Variants in SATB2 observed in about 807,000 individuals in gnomAD.
SATB2 encodes SATB homeobox 2, also known as DNA-binding protein SATB2.
In SATB2, 1 loss-of-function variant was observed where a neutral mutation model predicts 73.4. The observed-to-expected ratio is 0.01, with a 90% CI of 0.00 to 0.06. The LOEUF is 0.06. Among genes scored for constraint, SATB2 ranks in the 10% least tolerant of loss-of-function variants. SATB2 has a pLI of 1.00. For synonymous variants in SATB2, 397 were observed against 367.0 expected, an observed-to-expected ratio of 1.08 and a Z score of -0.93; for missense variants, 459 against 945.8, an observed-to-expected ratio of 0.49 and a Z score of 6.75.
At chr2:199,453,452 G>C (rs1409050057) in intron 2 of SATB2, among the ~76,000 whole-genome samples, 2 of 151,804 alleles carry the variant, frequency 1.3e-5, no homozygotes, top group Non-Finnish European at 2.9e-5. Context: ...TTATTATATT[G>C]CTTTATAAAG....
chr2:199,352,293 T>G (rs978617099), intron 6 of SATB2, among the ~76,000 whole-genome samples: 4 of 152,358 alleles, frequency 2.6e-5, no homozygotes, highest in Middle Eastern at 6.8e-3. Context: ...TAATTACATT[T>G]GAGTGACTTT....
rs1306705746 is a variant in SATB2, at chr2:199,323,794, A to G, written c.1542+9T>C. 3.7e-6 allele frequency: 6 copies of G among 1,613,278 alleles called. No individual in the cohort carries two copies. The highest frequency in any genetic ancestry group is 5.1e-6 in the Non-Finnish European group (6 of 1,179,470). On this transcript the variant is annotated intron_variant, in intron 9 of 10. Coordinates refer to ENST00000417098, the MANE Select transcript of SATB2 (RefSeq NM_001172509.2). ...AGCCCTCGATTTTGCTTTTTTAAAAACCACTCACCTGACTTTTATTTGCAG... is the reference window on the plus strand; with the variant it reads ...AGCCCTCGATTTTGCTTTTTTAAAAGCCACTCACCTGACTTTTATTTGCAG...
At chr2:199,360,789 A>AC (rs983108100) in intron 6 of SATB2, among the ~76,000 whole-genome samples, 1 of 151,366 alleles carries the variant, frequency 6.6e-6, no homozygotes, top group African/African-American at 2.4e-5. Context: ...TGTCCTTGCC[A>AC]CCCCTCCCTC....
rs377396073 is a variant in SATB2 at position 199,305,867 on chromosome 2, T to C, written c.1740+2893A>G. ...AAGAAATTTAAATGGCATGCTTCCA[T>C]GACCACAAGTGAAGAGGACTTACGT... On this transcript the variant is annotated intron_variant, in intron 10 of 10. Coordinates refer to ENST00000417098, the MANE Select transcript of SATB2 (RefSeq NM_001172509.2). Among the ~76,000 whole-genome samples the C allele has an allele frequency of 4.2e-3, 644 of 152,284 alleles. 5 individuals are homozygous for C. The highest frequency in any genetic ancestry group is 0.015 in the African/African-American group (603 of 41,556).
chr2:199,331,556 A>T (rs1688191321), intron 7 of SATB2, among the ~76,000 whole-genome samples: 1 of 152,196 alleles, frequency 6.6e-6, no homozygotes, highest in Admixed American at 6.5e-5. Context: ...GTCCCAAAGC[A>T]GATTCTTTTC....
intron 10 of SATB2, among the ~76,000 whole-genome samples, chr2:199,280,096 G>A (rs969170606): frequency 6.6e-5 from 10 of 152,172 alleles, no homozygotes; most frequent in East Asian, 1.9e-4. Context: ...GCAGAAGAAC[G>A]TGGATTGTGA....
chr2:199,352,203 A>G (rs1412404617), intron 6 of SATB2, among the ~76,000 whole-genome samples: 1 of 152,236 alleles, frequency 6.6e-6, no homozygotes, highest in African/African-American at 2.4e-5. Context: ...GAAAAAACAT[A>G]GAACCATCCT....
intron 7 of SATB2, chr2:199,329,165 G>A: frequency 2.0e-6 from 1 of 493,408 alleles, no homozygotes; most frequent in East Asian, 3.7e-5. Flanking sequence ...AGACATGCCA[G>A]CTAGCAAGGT....
intron 6 of SATB2, among the ~76,000 whole-genome samples, chr2:199,350,070 A>G (rs568712242): frequency 1.3e-5 from 2 of 152,284 alleles, no homozygotes; most frequent in East Asian, 1.9e-4. Context: ...GGCTGAAGCA[A>G]TCCCAACATT....
chr2:199,463,484 G>T lies in SATB2; in HGVS notation c.-141+1352C>A, dbSNP rs564330513. 6.6e-6 allele frequency among the ~76,000 whole-genome samples: 1 copy of T among 152,300 alleles called. No homozygotes were observed. Among genetic ancestry groups the T allele is most frequent in the East Asian group, 1.9e-4 (1 of 5,144 alleles). Reference sequence around the variant, plus strand: ...GGCTGCGAAGAGCCCCGAGGCCTCGGCTTGGCGTCAATGTCCCGCCACCCT... The same window carrying T: ...GGCTGCGAAGAGCCCCGAGGCCTCGTCTTGGCGTCAATGTCCCGCCACCCT... On this transcript the variant is annotated intron_variant, in intron 1 of 11. Coordinates refer to the SATB2 transcript ENST00000260926. The surrounding 1 kb of genome is among the most constrained non-coding windows in gnomAD (Gnocchi z 6.4).
chr2:199,358,911 G>A (rs1025206813), intron 6 of SATB2, among the ~76,000 whole-genome samples: 4 of 152,076 alleles, frequency 2.6e-5, no homozygotes, highest in African/African-American at 7.2e-5. Flanking sequence ...TTCAAACAAT[G>A]CTTTATCACA....
At chr2:199,456,145 A>G (rs1437027530) in intron 1 of SATB2, 49 bp from the exon 2 acceptor site, 7 of 1,031,982 alleles carry the variant, frequency 6.8e-6, no homozygotes, top group Admixed American at 4.0e-5. Context: ...AAAGAGGGAA[A>G]ACCGCTCATA....
At chr2:199,279,912 G>A (rs141801828) in intron 10 of SATB2, among the ~76,000 whole-genome samples, 13 of 152,294 alleles carry the variant, frequency 8.5e-5, no homozygotes, top group South Asian at 2.1e-4. Flanking sequence ...AGGCCAAGGC[G>A]GGCGGATCAC....
intron 8 of SATB2, among the ~76,000 whole-genome samples, chr2:199,325,075 C>T (rs1687994230): frequency 6.6e-6 from 1 of 152,144 alleles, no homozygotes; most frequent in Non-Finnish European, 1.5e-5. Flanking sequence ...AGCGGCAGAA[C>T]TTAAGGCCCT....
intron 3 of SATB2, among the ~76,000 whole-genome samples, chr2:199,412,510 C>CT (rs1389099516): frequency 6.6e-6 from 1 of 152,212 alleles, no homozygotes; most frequent in Non-Finnish European, 1.5e-5. Context: ...CACACAAAGA[C>CT]TAAAGCGTCT....
At chr2:199,340,927 C>T (rs1224524573) in intron 7 of SATB2, among the ~76,000 whole-genome samples, 2 of 151,768 alleles carry the variant, frequency 1.3e-5, no homozygotes, top group South Asian at 2.1e-4. Context: ...TCTGAACATA[C>T]GAATATGTAG....
chr2:199,290,203 C>A (rs1692814643), intron 10 of SATB2, among the ~76,000 whole-genome samples: 1 of 152,230 alleles, frequency 6.6e-6, no homozygotes, highest in Non-Finnish European at 1.5e-5. Context: ...AGCACTACGC[C>A]TTGGAAGCCT....
At chr2:199,423,082 C>G (rs567151078) in intron 3 of SATB2, among the ~76,000 whole-genome samples, 26 of 152,262 alleles carry the variant, frequency 1.7e-4, no homozygotes, top group African/African-American at 6.3e-4. Flanking sequence ...TCTGGTTAAG[C>G]AGCTTCTTTC....
intron 9 of SATB2, among the ~76,000 whole-genome samples, chr2:199,315,979 A>C (rs1687722141): frequency 6.6e-6 from 1 of 152,116 alleles, no homozygotes; most frequent in Non-Finnish European, 1.5e-5. Context: ...CTTGCAGCAG[A>C]AATGCAAAAG....
Sources: allele counts gnomAD v4.1 joint callset (sites outside exome capture counted in the v4.1 genomes callset), GRCh38; gene constraint gnomAD v4.1.1; non-coding constraint Gnocchi (gnomAD v3.1); transcripts MANE v1.5; gene names NCBI Gene and HGNC (gene_info 2026-07-23, HGNC 2026-07-21).